SPTY2D1: variants seen among roughly 807,000 people sequenced by gnomAD.
The protein encoded by SPTY2D1 is SPT2 chromatin protein domain containing 1, also known as protein SPT2 homolog.
A neutral mutation model predicts 64.0 loss-of-function variants in SPTY2D1; 21 were observed. The ratio of observed to expected loss-of-function variants is 0.33; its 90% CI spans 0.23 to 0.47. The LOEUF is 0.47. Among genes scored for constraint, SPTY2D1 ranks in the 20% least tolerant of loss-of-function variants. SPTY2D1 has a pLI of 1.00. For missense variants in SPTY2D1, 724 were observed against 837.2 expected (o/e 0.86, Z 1.67); for synonymous variants, 287 against 286.8 (o/e 1.00, Z -0.01).
intron 1 of SPTY2D1, among the ~76,000 whole-genome samples, chr11:18,622,356 C>T (rs1854425527): frequency 6.7e-6 from 1 of 149,324 alleles, no homozygotes; most frequent in African/African-American, 2.4e-5. Flanking sequence ...ATAATGAGAC[C>T]CCCATCTCTA....
chr11:18,614,026 A>T (rs1339486990), intron 3 of SPTY2D1, among the ~76,000 whole-genome samples: 2 of 152,212 alleles, frequency 1.3e-5, no homozygotes, highest in Non-Finnish European at 2.9e-5. Context: ...TTCACCCTGA[A>T]TGTTCACAAA....
At chr11:18,631,558 AAAG>A (rs1306883969) in intron 1 of SPTY2D1, among the ~76,000 whole-genome samples, 5 of 150,762 alleles carry the variant, frequency 3.3e-5, no homozygotes, top group African/African-American at 1.2e-4. Context: ...ATCTCAAAAA[AAAG>A]AAAAGAAAAG....
rs1341612936 is a variant in SPTY2D1 at position 18,620,468 on chromosome 11, G to C, written c.61-3479C>G. ...CATTCCAGCCTGGGCAACAGAGTGA[G>C]ACTCGGTCTCAAAAAAACAAAAACA... is the stretch of plus-strand genomic sequence containing the variant. On this transcript the variant is annotated intron_variant, in intron 1 of 5. Transcript: ENST00000336349. Among the ~76,000 whole-genome samples the C allele has an allele frequency of 2.6e-5, 4 of 152,074 alleles. No homozygotes were observed. In the South Asian group the frequency reaches 6.2e-4, roughly 24 times the overall value.
intron 5 of SPTY2D1, 27 bp downstream of exon 5, chr11:18,611,450 C>T (rs1184436149): frequency 1.0e-5 from 16 of 1,606,546 alleles, no homozygotes; most frequent in Non-Finnish European, 1.4e-5. Context: ...GACATTTTTG[C>T]ACAAGTATGC....
rs1232669611 is a variant in SPTY2D1 at position 18,607,314 on chromosome 11, GC to G, written c.*2546del. On this transcript the variant is annotated 3_prime_UTR_variant, in exon 6 of 6. Transcript: ENST00000336349. ...TTCTGAAAGTAGCCTTAAAAGAAGT[GC>G]CCTTTGCTTTGACATAGCAATATCA... 2 of 152,762 alleles carry G rather than the reference GC, an allele frequency of 1.3e-5. No individual in the cohort carries two copies. Among genetic ancestry groups the G allele is most frequent in the Non-Finnish European group, 2.9e-5 (2 of 68,138 alleles). The allele number at this position is 152,762 out of a possible 1,614,324, so 9.5% of individuals were successfully genotyped here.
chr11:18,613,615 G>A (rs1480891148), intron 3 of SPTY2D1, among the ~76,000 whole-genome samples: 1 of 152,198 alleles, frequency 6.6e-6, no homozygotes, highest in African/African-American at 2.4e-5. Context: ...AATTGCCCTT[G>A]TTAAGAATCA....
At chr11:18,613,053 G>A (rs919456809) in intron 3 of SPTY2D1, among the ~76,000 whole-genome samples, 1 of 152,092 alleles carries the variant, frequency 6.6e-6, no homozygotes, top group East Asian at 1.9e-4. Context: ...CGGCGCCACC[G>A]CGCCCGGCCA....
intron 1 of SPTY2D1, among the ~76,000 whole-genome samples, chr11:18,630,134 A>C (rs1484698925): frequency 6.6e-6 from 1 of 151,828 alleles, no homozygotes; most frequent in Non-Finnish European, 1.5e-5. Flanking sequence ...ATGCCACTGC[A>C]CTTCAGCCTG....
At chr11:18,624,463 G>T (rs1315097962) in intron 1 of SPTY2D1, among the ~76,000 whole-genome samples, 4 of 152,180 alleles carry the variant, frequency 2.6e-5, no homozygotes, top group Non-Finnish European at 4.4e-5. Flanking sequence ...AGCCAACTCA[G>T]TCATTCTGCT....
In SPTY2D1 at chr11:18,615,558, C is replaced by A. The variant is rs1423986427; in HGVS notation, c.716G>T (p.Gly239Val). 6.2e-7 allele frequency: 1 copy of A among 1,614,194 alleles called. No individual in the cohort carries two copies. Among genetic ancestry groups the A allele is most frequent in the African/African-American group, 1.3e-5 (1 of 75,052 alleles). Residue 239 changes from glycine to valine, a missense_variant, in exon 3 of 6, where the codon GGC becomes GTC. By Grantham distance (109) the Gly-to-Val change is moderately radical (BLOSUM62 -3). Transcript: ENST00000336349. The stretch of plus-strand genomic sequence containing the variant: ...TCCAGAACCTTTGCTAAGTTTTGTG[C>A]CCACACTTTCTTTCTGAGAGGGTGC... Reference protein sequence around the residue: ...KKAPSQKESVGTKLSKGSGDR... With the variant: ...KKAPSQKESVVTKLSKGSGDR...
At position 18,609,148 on chromosome 11, in the gene SPTY2D1, T is replaced by C. The variant is rs1442899273; in HGVS notation, c.*713A>G. 1 of 152,196 alleles carries C rather than the reference T, an allele frequency of 6.6e-6. No individual in the cohort carries two copies. The highest frequency in any genetic ancestry group is 2.4e-5 in the African/African-American group (1 of 41,464). The allele number at this position is 152,196 out of a possible 1,614,324, so 9.4% of individuals were successfully genotyped here. The stretch of plus-strand genomic sequence containing the variant: ...ACCTTGTCTTACACTAAAGCCAACA[T>C]AACAGTAAATCTGAAAGGAAAACTT... On this transcript the variant is annotated 3_prime_UTR_variant, in exon 6 of 6. Coordinates refer to ENST00000336349, the MANE Select transcript of SPTY2D1 (RefSeq NM_194285.3).
At chr11:18,631,416 G>C (rs1008524212) in intron 1 of SPTY2D1, among the ~76,000 whole-genome samples, 3 of 151,942 alleles carry the variant, frequency 2.0e-5, no homozygotes, top group Non-Finnish European at 4.4e-5. Context: ...AATTAACTGG[G>C]CGTGGTGGTG....
At chr11:18,617,057 CT>C (rs1854310857) in intron 1 of SPTY2D1, 68 bp from the exon 2 acceptor site, 1 of 1,307,924 alleles carries the variant, frequency 7.6e-7, no homozygotes, top group Non-Finnish European at 1.1e-6. Context: ...GTATAAGGCA[CT>C]GTGCCAGGTA....
chr11:18,610,629 G>A (rs113904622), intron 5 of SPTY2D1, among the ~76,000 whole-genome samples: 18 of 136,694 alleles, frequency 1.3e-4, no homozygotes, highest in African/African-American at 4.3e-4. Context: ...CCATGCCACC[G>A]CACTCCAGCC....
intron 1 of SPTY2D1, among the ~76,000 whole-genome samples, chr11:18,621,979 C>T (rs763886866): frequency 4.0e-5 from 6 of 149,420 alleles, no homozygotes; most frequent in Admixed American, 6.7e-5. Context: ...CCCAGCTACT[C>T]GGGAGGCTGA....
chr11:18,616,370 T>C (rs1854300216), intron 2 of SPTY2D1, among the ~76,000 whole-genome samples: 2 of 152,220 alleles, frequency 1.3e-5, no homozygotes, highest in Non-Finnish European at 2.9e-5. Context: ...AAGAGAACAT[T>C]AGTATCCACT....
chr11:18,616,732 GACACACAC>G (rs72301459), intron 2 of SPTY2D1, 135 bp downstream of exon 2: 184 of 486,472 alleles, frequency 3.8e-4, no homozygotes, highest in Middle Eastern at 4.9e-4. Flanking sequence ...AGTTAACCTG[GACACACAC>G]ACACACACAC....
intron 1 of SPTY2D1, among the ~76,000 whole-genome samples, chr11:18,628,543 T>C (rs1240309484): frequency 6.6e-6 from 1 of 152,220 alleles, no homozygotes; most frequent in Non-Finnish European, 1.5e-5. Flanking sequence ...TTCTATTTAG[T>C]AAGGCAGAAG....
chr11:18,612,176 A>C lies in SPTY2D1; in HGVS notation c.1886+138T>G. Reference sequence around the variant, plus strand: ...TATTTAGTGCTAAAAGAGTACGTTTATTTAAATAACAATCACCCAAGGGTT... The same window carrying C: ...TATTTAGTGCTAAAAGAGTACGTTTCTTTAAATAACAATCACCCAAGGGTT... On this transcript the variant is annotated intron_variant, in intron 4 of 5. Transcript: ENST00000336349. This position sits in a 1 kb window ranked among gnomAD's most constrained non-coding sequence, Gnocchi z 4.6. 3.6e-6 allele frequency: 2 copies of C among 548,948 alleles called. No individual in the cohort carries two copies. Among genetic ancestry groups the C allele is most frequent in the Non-Finnish European group, 3.0e-6 (1 of 333,190 alleles). The allele number at this position is 548,948 out of a possible 1,614,324, so 34.0% of individuals were successfully genotyped here.
Sources: allele counts gnomAD v4.1 joint callset (sites outside exome capture counted in the v4.1 genomes callset), GRCh38; gene constraint gnomAD v4.1.1; non-coding constraint Gnocchi (gnomAD v3.1); transcripts MANE v1.5; gene names NCBI Gene and HGNC (gene_info 2026-07-23, HGNC 2026-07-21).